The following ZNF888 variants were observed in gnomAD, a reference collection of about 807,000 sequenced individuals.
ZNF888 encodes the protein CTD-2331H12.6.
A neutral mutation model predicts 7.2 loss-of-function variants in ZNF888; 5 were observed. The ratio of observed to expected loss-of-function variants is 0.70; its 90% confidence interval spans 0.36 to 1.46. ZNF888 has a LOEUF of 1.46. ZNF888 is among the 40% of genes most tolerant of loss of function. The probability of loss-of-function intolerance (pLI) is 0.03; values close to 1 mark genes in which losing one functional copy is unlikely to be tolerated. For missense variants in ZNF888, 716 were observed against 858.0 expected (o/e 0.83, Z 2.07); for synonymous variants, 240 against 284.3 (o/e 0.84, Z 1.57).
At chr19:52,913,502 T>C (rs890481258) in intron 4 of ZNF888, among the ~76,000 whole-genome samples, 2 of 152,062 alleles carry the variant, frequency 1.3e-5, no homozygotes, top group African/African-American at 4.8e-5. Context: ...GTTTTGTAAT[T>C]ATACTACAGA....
At chr19:52,916,621 T>C (rs199781360) in intron 3 of ZNF888, among the ~76,000 whole-genome samples, 128 of 16,066 alleles carry the variant, frequency 8.0e-3, no homozygotes, top group Non-Finnish European at 0.018. Context: ...TATACATATA[T>C]ATATATATAT....
chr19:52,909,002 G>A (rs866079194), intron 4 of ZNF888, among the ~76,000 whole-genome samples: 4 of 151,072 alleles, frequency 2.6e-5, no homozygotes, highest in African/African-American at 7.3e-5. Flanking sequence ...AAAAGTAGCC[G>A]GGCGTGGTCG....
In ZNF888 at chr19:52,907,863, A is replaced by G; in HGVS notation, c.459T>C (p.Phe153=). 6.2e-7 allele frequency: 1 copy of G among 1,614,172 alleles called. No homozygotes were observed. The highest frequency in any genetic ancestry group is 8.5e-7 in the Non-Finnish European group (1 of 1,180,030). Residue 153 remains phenylalanine, a synonymous_variant, in exon 5 of 5, where the codon TTT becomes TTC. Coordinates refer to ENST00000638862, the MANE Select transcript of ZNF888 (RefSeq NM_001393938.1). ...GATTACCAATTTTCCCTTCGGGCTG[A>G]AATATGTGCAGTTCAGGCAGATGTG... ...FHSHLPELHI[F]QPEGKIGNQL...
intron 1 of ZNF888, among the ~76,000 whole-genome samples, chr19:52,921,043 C>A (rs1290650833): frequency 6.6e-6 from 1 of 150,634 alleles, no homozygotes. Context: ...GCAGAGGGAA[C>A]TTCAGATGGC....
intron 1 of ZNF888, chr19:52,921,651 A>G (rs1176606896): frequency 2.0e-6 from 2 of 984,748 alleles, no homozygotes; most frequent in South Asian, 4.7e-5. Flanking sequence ...ACAAAATGCA[A>G]AAGTGTAAAC....
intron 4 of ZNF888, among the ~76,000 whole-genome samples, chr19:52,910,149 C>CAAAAAAA (rs71335690): frequency 1.5e-4 from 13 of 83,938 alleles, no homozygotes; most frequent in African/African-American, 2.3e-4. Context: ...GACTTCGTCT[C>CAAAAAAA]AAAAAAAAAA....
intron 1 of ZNF888, 29 bp downstream of exon 1, chr19:52,923,340 G>C: frequency 2.0e-6 from 2 of 985,880 alleles, no homozygotes; most frequent in Non-Finnish European, 2.4e-6. Flanking sequence ...TGGAGGCACA[G>C]CCTCAATACA....
chr19:52,913,115 C>A (rs2064705417), intron 4 of ZNF888, among the ~76,000 whole-genome samples: 1 of 151,896 alleles, frequency 6.6e-6, no homozygotes, highest in South Asian at 2.1e-4. Context: ...CTCATAAACA[C>A]ATAAATTAAT....
At chr19:52,921,412 T>C (rs1727118184) in intron 1 of ZNF888, among the ~76,000 whole-genome samples, 1 of 152,174 alleles carries the variant, frequency 6.6e-6, no homozygotes, top group Non-Finnish European at 1.5e-5. Context: ...TGAAAACATT[T>C]TCACCGAGTT....
At chr19:52,915,710 C>T (rs192103960) in intron 3 of ZNF888, among the ~76,000 whole-genome samples, 94 of 152,162 alleles carry the variant, frequency 6.2e-4, no homozygotes, top group African/African-American at 2.1e-3. Context: ...CTCCTGACCT[C>T]GTGATCTGCC....
At position 52,907,567 on chromosome 19, in the gene ZNF888, T is replaced by TAGG. The variant is rs1189707947; in HGVS notation, c.754_755insCCT (p.Asn252delinsThrTyr). ...ATGGTGTGCAAGGTATCGCTTCTGA[T>TAGG]TAAAGTCTTTGCCACATACATCACA... On this transcript the variant is annotated protein_altering_variant, in exon 5 of 5. Transcript: ENST00000638862. 6 of 1,609,446 alleles carry TAGG rather than the reference T, an allele frequency of 3.7e-6. No individual in the cohort carries two copies. Among genetic ancestry groups the TAGG allele is most frequent in the African/African-American group, 1.3e-5 (1 of 74,748 alleles).
intron 1 of ZNF888, among the ~76,000 whole-genome samples, chr19:52,920,107 A>T (rs1330278974): frequency 1.9e-5 from 1 of 51,912 alleles, no homozygotes; most frequent in Non-Finnish European, 4.3e-5. Context: ...CCTATCCAGG[A>T]GGTGAGGGGC....
chr19:52,907,647 A>G lies in ZNF888; in HGVS notation c.675T>C (p.Cys225=), dbSNP rs2064626908. 3.7e-6 allele frequency: 6 copies of G among 1,605,338 alleles called. No homozygotes were observed. In the South Asian group the frequency reaches 4.5e-5, roughly 12 times the overall value. ...TCTGATGTTTTTTAAAGAGTGAGCT[A>G]CAATTAAAGGATTTGCCACTCTCAT... is the stretch of plus-strand genomic sequence containing the variant. ...QFNESGKSFN[C]SSLFKKHQII... The change falls in exon 5 of 5, where the codon TGT becomes TGC. Residue 225 remains cysteine (C), a synonymous_variant. Transcript: ENST00000638862.
At chr19:52,916,879 T>C (rs1424679806) in intron 3 of ZNF888, among the ~76,000 whole-genome samples, 2 of 151,692 alleles carry the variant, frequency 1.3e-5, no homozygotes, top group African/African-American at 2.4e-5. Flanking sequence ...GCCACTGCAC[T>C]CCAGCCTGGG....
rs957993203 is a variant in ZNF888 at position 52,907,558 on chromosome 19, C to T, written c.764G>A (p.Arg255Gln). The change falls in exon 5 of 5, where the codon CGA becomes CAA. Residue 255 changes from arginine to glutamine, a missense_variant. Around this residue, in one of 2 missense-constraint regions of ZNF888, gnomAD observed 697 missense variants for 803.4 expected, o/e 0.87. Transcript: ENST00000638862. Reference protein sequence around the residue: ...DVCGKDFNQKRYLAHHRRCHT... With the variant: ...DVCGKDFNQKQYLAHHRRCHT... ...ACATCTACGATGGTGTGCAAGGTAT[C>T]GCTTCTGATTAAAGTCTTTGCCACA... 28 of 1,609,408 alleles carry T rather than the reference C, an allele frequency of 1.7e-5. No individual in the cohort carries two copies. Among genetic ancestry groups the T allele is most frequent in the African/African-American group, 1.3e-4 (10 of 74,674 alleles).
intron 3 of ZNF888, among the ~76,000 whole-genome samples, chr19:52,916,625 T>TAC (rs1568747395): frequency 7.1e-4 from 88 of 123,788 alleles, no homozygotes; most frequent in African/African-American, 2.6e-3. Context: ...CATATATATA[T>TAC]ATATATATAT....
intron 4 of ZNF888, among the ~76,000 whole-genome samples, chr19:52,911,483 C>T (rs375200403): frequency 1.3e-4 from 20 of 151,650 alleles, no homozygotes; most frequent in Middle Eastern, 3.2e-3. Flanking sequence ...GGACCACAGG[C>T]GCCCGCCACT....
chr19:52,908,310 A>G (rs1482718764), intron 4 of ZNF888, 131 bp from the exon 5 acceptor site: 4 of 868,222 alleles, frequency 4.6e-6, no homozygotes, highest in Non-Finnish European at 7.2e-6. Flanking sequence ...GTTCAGGAAC[A>G]CAAAAGGAGG....
At chr19:52,922,922 A>C (rs949672269) in intron 1 of ZNF888, among the ~76,000 whole-genome samples, 7 of 147,308 alleles carry the variant, frequency 4.8e-5, no homozygotes, top group Non-Finnish European at 9.0e-5. Context: ...GGTGGGGGGG[A>C]GATGACGCCT....
Sources: allele counts gnomAD v4.1 joint callset (sites outside exome capture counted in the v4.1 genomes callset), GRCh38; gene constraint gnomAD v4.1.1; regional missense constraint gnomAD v4.1.1; transcripts MANE v1.5; gene names NCBI Gene and HGNC (gene_info 2026-07-23, HGNC 2026-07-21).